The following SBF2 variants were observed in gnomAD, a reference collection of about 807,000 sequenced individuals.
SBF2 encodes SET binding factor 2.
In SBF2, 112 loss-of-function variants were observed where a neutral mutation model predicts 225.2. The observed-to-expected ratio is 0.50, with a 90% CI of 0.43 to 0.58. SBF2 has a LOEUF of 0.58. Ranked by LOEUF, SBF2 falls within the 20% of genes least tolerant of loss-of-function variation. The probability of loss-of-function intolerance (pLI) is 0.00; values close to 1 mark genes in which losing one functional copy is unlikely to be tolerated. For missense variants in SBF2, 1,996 were observed against 2,206.2 expected, an observed-to-expected ratio of 0.90 and a Z score of 1.91; for synonymous variants, 763 against 773.3, an observed-to-expected ratio of 0.99 and a Z score of 0.22.
At chr11:9,998,618 G>A (rs1947812583) in intron 8 of SBF2, among the ~76,000 whole-genome samples, 1 of 152,186 alleles carries the variant, frequency 6.6e-6, no homozygotes, top group African/African-American at 2.4e-5. Context: ...GAAGTGACAT[G>A]TGTTTTCCTG....
chr11:10,092,627 T>A (rs1429383719), intron 2 of SBF2, among the ~76,000 whole-genome samples: 1 of 152,212 alleles, frequency 6.6e-6, no homozygotes, highest in Non-Finnish European at 1.5e-5. Flanking sequence ...TTCTGGCAGA[T>A]CTAAGTCAAT....
chr11:9,967,947 G>GTCTGTCTGTCTGTCTCTC lies in SBF2; in HGVS notation c.1600+393_1600+394insGAGAGACAGACAGACAGA, dbSNP rs57976016. On this transcript the variant is annotated intron_variant, in intron 14 of 39. Coordinates refer to ENST00000256190, the MANE Select transcript of SBF2 (RefSeq NM_030962.4). ...TGTCTGTCTGTCTGTCTGTCTGTCTGTCTCTCTCTCTCTCTCTCTCTCTCT... is the reference window on the plus strand; with the variant it reads ...TGTCTGTCTGTCTGTCTGTCTGTCTGTCTGTCTGTCTGTCTCTCTCTCTCTCTCTCTCTCTCTCTCTCT... Among the ~76,000 whole-genome samples, 40 of 100,250 alleles carry GTCTGTCTGTCTGTCTCTC rather than the reference G, an allele frequency of 4.0e-4. 1 individual carries two copies. The highest frequency in any genetic ancestry group is 1.5e-3 in the African/African-American group (39 of 26,096). 65.8% of individuals were successfully genotyped at this position (100,250 alleles called of 152,430 possible).
chr11:10,211,749 G>A (rs186578545), intron 1 of SBF2, among the ~76,000 whole-genome samples: 75 of 152,258 alleles, frequency 4.9e-4, no homozygotes, highest in Middle Eastern at 3.4e-3. Flanking sequence ...ATATGATGAC[G>A]GTGTACTATA....
intron 6 of SBF2, among the ~76,000 whole-genome samples, chr11:10,011,399 G>C (rs187955828): frequency 6.6e-6 from 1 of 152,126 alleles, no homozygotes; most frequent in Non-Finnish European, 1.5e-5. Flanking sequence ...GATAATTTTT[G>C]TATTTCTCTG....
At chr11:9,920,208 A>G (rs987162042) in intron 16 of SBF2, among the ~76,000 whole-genome samples, 12 of 138,278 alleles carry the variant, frequency 8.7e-5, no homozygotes, top group East Asian at 3.9e-4. Flanking sequence ...GTGTGTGTAT[A>G]TATATATATA....
At chr11:9,867,398 G>A (rs1021239154) in intron 17 of SBF2, among the ~76,000 whole-genome samples, 3 of 152,068 alleles carry the variant, frequency 2.0e-5, no homozygotes, top group Admixed American at 6.6e-5. Context: ...AACAGATGCC[G>A]GTAAGGACAC....
rs1313622489 is a variant in SBF2 at position 10,010,915 on chromosome 11, G to C, written c.620-8226C>G. Among the ~76,000 whole-genome samples the C allele has an allele frequency of 3.9e-5, 6 of 152,046 alleles. 1 individual carries two copies. Among genetic ancestry groups the C allele is most frequent in the Admixed American group, 6.5e-5 (1 of 15,268 alleles). On this transcript the variant is annotated intron_variant, in intron 6 of 39. Coordinates refer to ENST00000256190, the MANE Select transcript of SBF2 (RefSeq NM_030962.4). ...TGTTTTTGTCCTCTCCTATGTCCTTGAGCAGTGGTTTGTAGTTCTCCTTGA... is the reference window on the plus strand; with the variant it reads ...TGTTTTTGTCCTCTCCTATGTCCTTCAGCAGTGGTTTGTAGTTCTCCTTGA...
In SBF2 at chr11:10,031,049, C is replaced by G; in HGVS notation, c.401G>C (p.Arg134Thr). 2 of 1,611,364 alleles carry G rather than the reference C, an allele frequency of 1.2e-6. No homozygotes were observed. The highest frequency in any genetic ancestry group is 8.5e-7 in the Non-Finnish European group (1 of 1,177,914). ...VSRLYYPEIF[R>T]ACLGLIYTVY... ...TAATGATAACTATGTGTTCTTTACC[C>G]TAAAAATTTCTGGATAATATAATCT... Residue 134 changes from arginine to threonine, a missense_variant and splice_region_variant, in exon 4 of 40, where the codon AGG becomes ACG. Arg to Thr is a moderately conservative substitution (Grantham distance 71). Coordinates refer to ENST00000256190, the MANE Select transcript of SBF2 (RefSeq NM_030962.4).
At chr11:10,142,809 C>T (rs552639624) in intron 2 of SBF2, among the ~76,000 whole-genome samples, 18 of 152,194 alleles carry the variant, frequency 1.2e-4, no homozygotes, top group Non-Finnish European at 2.5e-4. Context: ...TTAACCAATA[C>T]AACTATTTCA....
chr11:10,196,866 A>ATTTTTTTTTTTTTTTTT (rs1555073581), intron 1 of SBF2, among the ~76,000 whole-genome samples: 1 of 99,300 alleles, frequency 1.0e-5, no homozygotes, highest in Non-Finnish European at 2.0e-5. Context: ...ATATATATAT[A>ATTTTTTTTTTTTTTTTT]TTTTTTTTTT....
intron 1 of SBF2, among the ~76,000 whole-genome samples, chr11:10,212,143 G>C (rs982506445): frequency 1.4e-4 from 21 of 152,296 alleles, no homozygotes; most frequent in African/African-American, 4.8e-4. Flanking sequence ...TTAACCCATG[G>C]ATATGGGAAC....
intron 39 of SBF2, chr11:9,780,952 C>G (rs1341344337): frequency 2.0e-5 from 6 of 296,082 alleles, no homozygotes; most frequent in Non-Finnish European, 3.9e-5. Context: ...ATATTGGAAG[C>G]CCACTGTCAG....
At chr11:9,965,516 G>A (rs1468909946) in intron 14 of SBF2, among the ~76,000 whole-genome samples, 2 of 152,026 alleles carry the variant, frequency 1.3e-5, no homozygotes, top group African/African-American at 2.4e-5. Flanking sequence ...TTGAACTCCC[G>A]ACCTCAGGTG....
At chr11:9,922,024 C>T (rs1342269470) in intron 16 of SBF2, among the ~76,000 whole-genome samples, 1 of 152,080 alleles carries the variant, frequency 6.6e-6, no homozygotes, top group Non-Finnish European at 1.5e-5. Flanking sequence ...GGTGGGAGGA[C>T]TGCTTGAGCC....
chr11:10,289,870 C>A (rs1251894602), intron 1 of SBF2, among the ~76,000 whole-genome samples: 18 of 152,146 alleles, frequency 1.2e-4, no homozygotes, highest in Admixed American at 1.2e-3. Flanking sequence ...GGGCCAGGGT[C>A]AGGAGCTGGG....
At chr11:10,088,773 T>C (rs929577371) in intron 2 of SBF2, among the ~76,000 whole-genome samples, 8 of 152,154 alleles carry the variant, frequency 5.3e-5, no homozygotes, top group Non-Finnish European at 8.8e-5. Context: ...CCTTCAACAT[T>C]GGGATCAAAT....
chr11:9,784,251 C>A, intron 38 of SBF2, 100 bp downstream of exon 38: 1 of 912,374 alleles, frequency 1.1e-6, no homozygotes, highest in South Asian at 1.3e-5. Flanking sequence ...AAAAAGCAGT[C>A]TGTACATGAG....
chr11:10,127,487 C>A (rs555584738), intron 2 of SBF2, among the ~76,000 whole-genome samples: 128 of 152,208 alleles, frequency 8.4e-4, no homozygotes, highest in African/African-American at 3.0e-3. Flanking sequence ...ATTGCCTCCA[C>A]AGTCCACCTC....
chr11:9,997,744 C>T (rs1947769112), intron 9 of SBF2, among the ~76,000 whole-genome samples: 1 of 152,192 alleles, frequency 6.6e-6, no homozygotes, highest in Admixed American at 6.5e-5. Flanking sequence ...TGCCACTGCA[C>T]TCCAGCCTGG....
Sources: allele counts gnomAD v4.1 joint callset (sites outside exome capture counted in the v4.1 genomes callset), GRCh38; gene constraint gnomAD v4.1.1; transcripts MANE v1.5; gene names NCBI Gene and HGNC (gene_info 2026-07-23, HGNC 2026-07-21).